The following ARB2A variants were observed in gnomAD, a reference collection of about 807,000 sequenced individuals.
ARB2A encodes the protein ARB2 cotranscriptional regulator A.
the ARB2A span, among the ~76,000 whole-genome samples, chr5:93,916,221 C>T: frequency 6.6e-6 from 1 of 152,220 alleles, no homozygotes; most frequent in Admixed American, 6.5e-5. Flanking sequence ...ACTGATAGCA[C>T]ATAAGCATGA....
At chr5:93,915,147 C>T in the ARB2A span, among the ~76,000 whole-genome samples, 4 of 151,946 alleles carry the variant, frequency 2.6e-5, no homozygotes, top group South Asian at 2.1e-4. Context: ...CTGCTATCAT[C>T]CATTACACTG....
the ARB2A span, among the ~76,000 whole-genome samples, chr5:94,013,613 T>C: frequency 6.6e-6 from 1 of 151,852 alleles, no homozygotes; most frequent in African/African-American, 2.4e-5. Flanking sequence ...GAAAATACAA[T>C]GAAAGATGAA....
chr5:93,714,611 A>ACAGGG, the ARB2A span, among the ~76,000 whole-genome samples: 124 of 152,328 alleles, frequency 8.1e-4, no homozygotes, highest in African/African-American at 2.5e-3. Context: ...TTAATTCCAC[A>ACAGGG]CAGGGTGATT....
At chr5:93,881,639 A>C in the ARB2A span, 1 of 1,601,058 alleles carries the variant, frequency 6.2e-7, no homozygotes, top group Non-Finnish European at 8.5e-7. Flanking sequence ...CGGCTTTTCT[A>C]CTTCAATATA....
the ARB2A span, among the ~76,000 whole-genome samples, chr5:93,681,110 C>T: frequency 6.6e-6 from 1 of 151,628 alleles, no homozygotes; most frequent in Non-Finnish European, 1.5e-5. Flanking sequence ...GTAATGTTTC[C>T]TTTTTTTTCC....
the ARB2A span, among the ~76,000 whole-genome samples, chr5:93,674,713 A>AT: frequency 6.6e-6 from 1 of 152,244 alleles, no homozygotes; most frequent in Non-Finnish European, 1.5e-5. Context: ...AACTTAAAAA[A>AT]ATATATAGCT....
chr5:93,936,940 GTT>G, the ARB2A span, among the ~76,000 whole-genome samples: 10 of 133,546 alleles, frequency 7.5e-5, no homozygotes, highest in East Asian at 2.2e-4. Context: ...AATTATAAAG[GTT>G]TTTTTTTTTT....
the ARB2A span, among the ~76,000 whole-genome samples, chr5:93,622,079 A>G: frequency 6.6e-6 from 1 of 152,338 alleles, no homozygotes; most frequent in East Asian, 1.9e-4. Flanking sequence ...ACACGGATGC[A>G]AGCATAAGAA....
the ARB2A span, among the ~76,000 whole-genome samples, chr5:93,764,374 C>A: frequency 6.6e-6 from 1 of 152,148 alleles, no homozygotes; most frequent in Non-Finnish European, 1.5e-5. Context: ...GATATCACCA[C>A]CAATCCCACA....
At chr5:94,075,852 A>C in the ARB2A span, among the ~76,000 whole-genome samples, 3 of 152,182 alleles carry the variant, frequency 2.0e-5, no homozygotes, top group Non-Finnish European at 2.9e-5. Flanking sequence ...CCCTTGTGTC[A>C]AGTCTAACTG....
the ARB2A span, among the ~76,000 whole-genome samples, chr5:93,832,080 T>A: frequency 2.0e-5 from 3 of 152,108 alleles, no homozygotes; most frequent in East Asian, 3.9e-4. Flanking sequence ...AAAAAAGATA[T>A]AGAAAAGGAA....
chr5:94,107,943 C>CTA, the ARB2A span, among the ~76,000 whole-genome samples: 1 of 152,138 alleles, frequency 6.6e-6, no homozygotes, highest in African/African-American at 2.4e-5. Context: ...GAGCATAGCT[C>CTA]TATATTACTT....
chr5:93,741,730 T>C, the ARB2A span: 1 of 765,302 alleles, frequency 1.3e-6, no homozygotes, highest in Non-Finnish European at 2.0e-6. Flanking sequence ...TAGGAACTCC[T>C]GGGTCCTAGG....
the ARB2A span, among the ~76,000 whole-genome samples, chr5:93,814,008 T>C: frequency 6.6e-6 from 1 of 152,220 alleles, no homozygotes; most frequent in East Asian, 1.9e-4. Flanking sequence ...ACAGCGCTTC[T>C]AAGTGTTCAA....
the ARB2A span, among the ~76,000 whole-genome samples, chr5:93,923,820 T>C: frequency 6.6e-6 from 1 of 151,926 alleles, no homozygotes; most frequent in Non-Finnish European, 1.5e-5. Flanking sequence ...AAAACAAACA[T>C]ACCAAAGAAA....
chr5:93,996,955 C>T, the ARB2A span, among the ~76,000 whole-genome samples: 2 of 152,034 alleles, frequency 1.3e-5, no homozygotes, highest in African/African-American at 2.4e-5. Flanking sequence ...TTGAGAAGTA[C>T]GTATGTGCTA....
the ARB2A span, among the ~76,000 whole-genome samples, chr5:93,841,166 C>G: frequency 6.6e-6 from 1 of 152,160 alleles, no homozygotes; most frequent in Non-Finnish European, 1.5e-5. Flanking sequence ...GCAGCACATA[C>G]TGTGACATGT....
chr5:93,978,258 A>G, the ARB2A span, among the ~76,000 whole-genome samples: 1 of 152,170 alleles, frequency 6.6e-6, no homozygotes. Flanking sequence ...CAATCCCATT[A>G]CTGTGTATAC....
At chr5:93,669,152 C>T in the ARB2A span, among the ~76,000 whole-genome samples, 1 of 152,164 alleles carries the variant, frequency 6.6e-6, no homozygotes, top group African/African-American at 2.4e-5. Flanking sequence ...CTTACCACTG[C>T]TGTATTCCCC....
Sources: allele counts gnomAD v4.1 joint callset (sites outside exome capture counted in the v4.1 genomes callset), GRCh38; gene constraint gnomAD v4.1.1; transcripts MANE v1.5; gene names NCBI Gene and HGNC (gene_info 2026-07-23, HGNC 2026-07-21).